The following ST7 variants were observed in gnomAD, a reference collection of about 807,000 sequenced individuals.
ST7 encodes suppression of tumorigenicity 7.
ST7 carries 28 observed loss-of-function variants against 78.7 expected under a neutral mutation model. The ratio of observed to expected loss-of-function variants is 0.36; its 90% CI spans 0.26 to 0.49. The LOEUF (loss-of-function observed/expected upper bound fraction) is 0.49, where lower values mean the gene tolerates loss of function less well. ST7 is among the 20% of genes least tolerant of loss of function. The pLI, the probability that ST7 is intolerant of heterozygous loss-of-function variation, is 0.99. For synonymous variants in ST7, 247 were observed against 249.6 expected (o/e 0.99, Z 0.10); for missense variants, 418 against 696.0 (o/e 0.60, Z 4.49).
At chr7:117,028,566 A>G (rs1424058245) in intron 1 of ST7, among the ~76,000 whole-genome samples, 1 of 152,234 alleles carries the variant, frequency 6.6e-6, no homozygotes, top group Non-Finnish European at 1.5e-5. Flanking sequence ...GACTTGTCTC[A>G]GAAGTCTGAA....
chr7:117,130,428 A>G, intron 4 of ST7, 63 bp from the exon 5 acceptor site: 2 of 1,231,482 alleles, frequency 1.6e-6, no homozygotes, highest in Non-Finnish European at 2.3e-6. Context: ...CTGCAGCTTA[A>G]TATTTTATAG....
rs1338586638 is a variant in ST7, at chr7:117,031,864, ATCTATC to A, written c.152-67896_152-67891del. On this transcript the variant is annotated intron_variant, in intron 1 of 15. Coordinates refer to ENST00000323984, the MANE Select transcript of ST7 (RefSeq NM_001369598.1). The stretch of plus-strand genomic sequence containing the variant: ...TCTATATCTATATCTATATCTATCT[ATCTATC>A]TATATATATATATTTTTTTTTTTTT... 5.0e-4 allele frequency among the ~76,000 whole-genome samples: 66 copies of A among 131,362 alleles called. 2 individuals carry two copies. The highest frequency in any genetic ancestry group is 2.3e-3 in the East Asian group (9 of 3,844). 86.2% of individuals were successfully genotyped at this position (131,362 alleles called of 152,430 possible).
chr7:117,068,451 C>T (rs530721975), intron 1 of ST7, among the ~76,000 whole-genome samples: 3 of 152,180 alleles, frequency 2.0e-5, no homozygotes, highest in Non-Finnish European at 4.4e-5. Flanking sequence ...TTCTACTTTA[C>T]CACCACCTAT....
intron 7 of ST7, among the ~76,000 whole-genome samples, chr7:117,135,306 T>C (rs533046731): frequency 6.6e-6 from 1 of 152,094 alleles, no homozygotes; most frequent in South Asian, 2.1e-4. Flanking sequence ...AGATGATATA[T>C]GTTAAGTGCC....
At chr7:117,186,111 C>A (rs1379879357) in intron 10 of ST7, among the ~76,000 whole-genome samples, 1 of 152,216 alleles carries the variant, frequency 6.6e-6, no homozygotes, top group Non-Finnish European at 1.5e-5. Context: ...GTGAAACTAA[C>A]AAATTGCTTT....
At chr7:116,986,456 C>G (rs997634298) in intron 1 of ST7, among the ~76,000 whole-genome samples, 6 of 152,120 alleles carry the variant, frequency 3.9e-5, no homozygotes, top group African/African-American at 1.4e-4. Flanking sequence ...AAATCAAGAG[C>G]ATTTTCAGGG....
chr7:117,222,843 G>C (rs1195118590), intron 15 of ST7: 4 of 1,600,130 alleles, frequency 2.5e-6, no homozygotes, highest in Non-Finnish European at 3.4e-6. Flanking sequence ...TGGCTGGGTT[G>C]ATTTAATCCC....
intron 13 of ST7, among the ~76,000 whole-genome samples, chr7:117,217,605 T>A (rs1792789411): frequency 6.6e-6 from 1 of 152,228 alleles, no homozygotes; most frequent in African/African-American, 2.4e-5. Flanking sequence ...TTGCTTGTTC[T>A]AGCGGGCAAA....
At chr7:116,999,775 T>G (rs932749125) in intron 1 of ST7, among the ~76,000 whole-genome samples, 1 of 151,946 alleles carries the variant, frequency 6.6e-6, no homozygotes, top group African/African-American at 2.4e-5. Flanking sequence ...GACATTTCTG[T>G]TTTTAATTTT....
Position 117,219,048 on chromosome 7 carries a change from A to G in ST7, c.1406-36A>G. ...GCAGTTGGGAAGTTATGACACAAAC[A>G]TTGGACATCTCTGACATATTTTTTC... On this transcript the variant is annotated intron_variant, in intron 13 of 15. Coordinates refer to ENST00000323984, the MANE Select transcript of ST7 (RefSeq NM_001369598.1). This position sits in a 1 kb window ranked among gnomAD's most constrained non-coding sequence, Gnocchi z 5.1. The G allele has an allele frequency of 6.4e-7, 1 of 1,555,104 alleles. No individual in the cohort carries two copies. The highest frequency in any genetic ancestry group is 8.8e-7 in the Non-Finnish European group (1 of 1,136,392).
intron 6 of ST7, 98 bp downstream of exon 6, chr7:117,132,058 G>A: frequency 2.5e-6 from 3 of 1,192,082 alleles, no homozygotes; most frequent in East Asian, 4.8e-5. Flanking sequence ...AACTGCATTT[G>A]AACTGGAGGA....
chr7:117,130,470 C>T (rs1213405162), intron 4 of ST7, 21 bp from the exon 5 acceptor site: 2 of 1,559,814 alleles, frequency 1.3e-6, no homozygotes, highest in East Asian at 2.3e-5. Context: ...AGTGTCTAAT[C>T]ATCTTATTTC....
At chr7:117,034,388 G>C (rs920661433) in intron 1 of ST7, among the ~76,000 whole-genome samples, 1 of 152,148 alleles carries the variant, frequency 6.6e-6, no homozygotes, top group Non-Finnish European at 1.5e-5. Context: ...AACATTTGCT[G>C]TATGAAAATC....
intron 12 of ST7, among the ~76,000 whole-genome samples, chr7:117,196,191 A>G (rs1810288996): frequency 6.6e-6 from 1 of 152,160 alleles, no homozygotes; most frequent in African/African-American, 2.4e-5. Flanking sequence ...GGTTATTTCC[A>G]TCTCTTGGCT....
At chr7:117,126,767 A>C (rs561623212) in intron 3 of ST7, among the ~76,000 whole-genome samples, 3 of 152,074 alleles carry the variant, frequency 2.0e-5, no homozygotes, top group African/African-American at 7.2e-5. Context: ...TTTTAGAAGT[A>C]CTTAGCTGTA....
chr7:117,049,345 G>T, intron 1 of ST7, among the ~76,000 whole-genome samples: 1 of 152,178 alleles, frequency 6.6e-6, no homozygotes, highest in East Asian at 1.9e-4. Context: ...TTTCTTAATG[G>T]CACCTGGGAA....
At chr7:116,954,610 C>T (rs990219743) in intron 1 of ST7, 15 of 152,948 alleles carry the variant, frequency 9.8e-5, no homozygotes, top group African/African-American at 3.6e-4. Flanking sequence ...CTTAACACTC[C>T]AGAGAGTTCC....
chr7:117,152,309 A>G (rs535425147), intron 9 of ST7, among the ~76,000 whole-genome samples: 23 of 148,798 alleles, frequency 1.5e-4, no homozygotes, highest in Middle Eastern at 3.5e-3. Context: ...ACTTGGGGCA[A>G]TGAGAAGTGT....
At chr7:116,956,843 C>T in intron 1 of ST7, 1 of 358,010 alleles carries the variant, frequency 2.8e-6, no homozygotes, top group South Asian at 2.2e-5. Context: ...GAGTTTACTA[C>T]AAGAATACAA....
Sources: gnomAD v4.1 joint callset for allele counts (sites outside exome capture counted in the v4.1 genomes callset) on GRCh38, gnomAD v4.1.1 for gene constraint, Gnocchi (gnomAD v3.1) non-coding constraint, MANE v1.5 for transcripts, NCBI Gene and HGNC (gene_info 2026-07-23, HGNC 2026-07-21) for gene names.